Variants in KEL observed in about 807,000 individuals in gnomAD.
KEL encodes the protein Kell metallo-endopeptidase (Kell blood group).
A neutral mutation model predicts 99.5 loss-of-function variants in KEL; 96 were observed. The observed-to-expected ratio is 0.97, with a 90% CI of 0.82 to 1.14. The LOEUF (loss-of-function observed/expected upper bound fraction) is 1.14. KEL is among the 50% of genes most tolerant of loss of function. The pLI, the probability that KEL is intolerant of heterozygous loss-of-function variation, is 0.00. For synonymous variants in KEL, 355 were observed against 354.8 expected (o/e 1.00, Z -0.01); for missense variants, 926 against 924.2 (o/e 1.00, Z -0.03).
Position 142,943,772 on chromosome 7 carries a change from T to G in KEL, c.1592+11A>C. Reference sequence around the variant, plus strand: ...TGGGATGGAGTGCCTGTGTCTCCCCTGCTGTCATACCTGTGTTGGGGGTGA... The same window carrying G: ...TGGGATGGAGTGCCTGTGTCTCCCCGGCTGTCATACCTGTGTTGGGGGTGA... On this transcript the variant is annotated intron_variant, in intron 14 of 18. Transcript: ENST00000355265. The G allele has an allele frequency of 6.2e-7, 1 of 1,611,222 alleles. No homozygotes were observed. The highest frequency in any genetic ancestry group is 8.5e-7 in the Non-Finnish European group (1 of 1,177,358).
intron 11 of KEL, chr7:142,944,995 G>A (rs1796485540): frequency 1.0e-5 from 6 of 571,452 alleles, no homozygotes; most frequent in Non-Finnish European, 1.6e-5. Context: ...TCCTTTCCAT[G>A]GGGAAATAGC....
At chr7:142,947,326 C>T (rs1490329249) in intron 10 of KEL, among the ~76,000 whole-genome samples, 4 of 152,084 alleles carry the variant, frequency 2.6e-5, no homozygotes, top group African/African-American at 9.7e-5. Flanking sequence ...GGTAGGAAGG[C>T]TGCCACTAAT....
intron 10 of KEL, among the ~76,000 whole-genome samples, chr7:142,950,692 GGGA>G (rs1387757049): frequency 6.6e-6 from 1 of 152,198 alleles, no homozygotes; most frequent in Non-Finnish European, 1.5e-5. Context: ...TTGCACTACA[GGGA>G]CAGAGTTGAG....
At chr7:142,948,441 T>C (rs891512860) in intron 10 of KEL, among the ~76,000 whole-genome samples, 3 of 152,166 alleles carry the variant, frequency 2.0e-5, no homozygotes, top group African/African-American at 4.8e-5. Context: ...TGAGAAATGA[T>C]AGAAATCAGG....
In KEL at chr7:142,944,546, G is replaced by A. The variant is rs915386859; in HGVS notation, c.1413+97C>T. 6 of 1,212,556 alleles carry A rather than the reference G, an allele frequency of 4.9e-6. No homozygotes were observed. In the African/African-American group the frequency reaches 8.9e-5, roughly 18 times the overall value. 75.1% of individuals were successfully genotyped at this position (1,212,556 alleles called of 1,614,324 possible). On this transcript the variant is annotated intron_variant, in intron 12 of 18. Transcript: ENST00000355265. Reference sequence around the variant, plus strand: ...GCTTCCCTACTTAGCATGTGCCTGGGGGGGCCTTTGGCATTTGCTTCCAAT... The same window carrying A: ...GCTTCCCTACTTAGCATGTGCCTGGAGGGGCCTTTGGCATTTGCTTCCAAT...
intron 5 of KEL, 68 bp downstream of exon 5, chr7:142,958,236 C>T (rs1181307359): frequency 1.2e-6 from 2 of 1,611,206 alleles, no homozygotes; most frequent in Non-Finnish European, 1.7e-6. Context: ...AAAAAAATGG[C>T]AGCCCTAAGC....
At chr7:142,958,557 C>CATCTG in intron 4 of KEL, 129 bp from the exon 5 acceptor site, 1 of 831,058 alleles carries the variant, frequency 1.2e-6, no homozygotes, top group Non-Finnish European at 2.0e-6. Context: ...TTATTTAACC[C>CATCTG]ATGTAACATG....
At chr7:142,961,183 A>G (rs1245884736) in intron 3 of KEL, 79 bp from the exon 4 acceptor site, 2 of 1,548,846 alleles carry the variant, frequency 1.3e-6, no homozygotes, top group Non-Finnish European at 1.8e-6. Context: ...AAAGAACATC[A>G]GGTGAGTAAC....
At chr7:142,956,746 C>T (rs1264415516) in intron 6 of KEL, among the ~76,000 whole-genome samples, 3 of 152,206 alleles carry the variant, frequency 2.0e-5, no homozygotes, top group African/African-American at 7.2e-5. Flanking sequence ...CTCTCCTTAA[C>T]CAGATCTTAA....
At chr7:142,962,156 C>A (rs1444901700) in intron 1 of KEL, 48 bp downstream of exon 1, 2 of 1,613,192 alleles carry the variant, frequency 1.2e-6, no homozygotes, top group Non-Finnish European at 1.7e-6. Context: ...TGCACACAGC[C>A]ACCCTCACCC....
At chr7:142,961,197 G>A (rs1283879107) in intron 3 of KEL, 93 bp from the exon 4 acceptor site, 2 of 1,518,550 alleles carry the variant, frequency 1.3e-6, no homozygotes, top group African/African-American at 2.7e-5. Context: ...GAGTAACTAA[G>A]TGGGGAGCTG....
rs1337763761 is a variant in KEL, at chr7:142,941,291, A to G, written c.2160T>C (p.Gly720=). The G allele has an allele frequency of 1.2e-6, 2 of 1,614,002 alleles. No individual in the cohort carries two copies. Among genetic ancestry groups the G allele is most frequent in the East Asian group, 2.2e-5 (1 of 44,884 alleles). ...AGCGGCTGGAGGGGTTCAAGAGAGC[A>G]CCACGTGCACAGCGGAAATACCTGG... ...AFARYFRCAR[G]ALLNPSSRCQ... Residue 720 remains glycine (G), a synonymous_variant, in exon 19 of 19, where the codon GGT becomes GGC. Transcript: ENST00000355265.
intron 18 of KEL, 89 bp from the exon 19 acceptor site, chr7:142,941,502 G>A: frequency 1.5e-6 from 2 of 1,312,610 alleles, no homozygotes; most frequent in African/African-American, 1.5e-5. Flanking sequence ...AGCAGACAAA[G>A]AGGGGAACCA....
At chr7:142,953,271 C>G (rs1197487691) in intron 9 of KEL, 3 of 815,716 alleles carry the variant, frequency 3.7e-6, no homozygotes, top group East Asian at 1.2e-4. Flanking sequence ...TTTCCTGACA[C>G]CAGCAGAAAT....
chr7:142,942,883 C>T lies in KEL; in HGVS notation c.1933G>A (p.Ala645Thr), dbSNP rs767499938. The change falls in exon 17 of 19, where the codon GCG becomes ACG. Residue 645 changes from alanine (A) to threonine (T), a missense_variant. Ala to Thr is a moderately conservative substitution (Grantham distance 58). Coordinates refer to ENST00000355265, the MANE Select transcript of KEL (RefSeq NM_000420.3). Reference protein sequence around the residue: ...NAADVGGLAIALQAYSKRLLR... With the variant: ...NAADVGGLAITLQAYSKRLLR... ...CCTTGACACTTGCATACCTGCAGCG[C>T]GATGGCTAGCCCCCCAACGTCTGCA... 88 of 1,614,058 alleles carry T rather than the reference C, an allele frequency of 5.5e-5. No homozygotes were observed. The highest frequency in any genetic ancestry group is 8.3e-5 in the Admixed American group (5 of 60,002).
chr7:142,944,736 C>T lies in KEL; in HGVS notation c.1320G>A (p.Met440Ile), dbSNP rs780238443. ...CATCCCGGATCGCAGTGAATAATTTCATGGCCTGTGGGAGTGAGGTCCAGG... is the reference window on the plus strand; with the variant it reads ...CATCCCGGATCGCAGTGAATAATTTTATGGCCTGTGGGAGTGAGGTCCAGG... ...AFGPSTRSAA[M>I]KLFTAIRDAL... The change falls in exon 12 of 19, where the codon ATG becomes ATA. Residue 440 changes from methionine to isoleucine, a missense_variant. By Grantham distance (10) the Met-to-Ile change is conservative. Coordinates refer to ENST00000355265, the MANE Select transcript of KEL (RefSeq NM_000420.3). The T allele has an allele frequency of 1.9e-6, 3 of 1,613,580 alleles. No individual in the cohort carries two copies. The African/African-American group carries it at 4.0e-5, about 22-fold the overall frequency.
intron 15 of KEL, 44 bp from the exon 16 acceptor site, chr7:142,943,387 T>C: frequency 6.2e-7 from 1 of 1,612,712 alleles, no homozygotes. Flanking sequence ...TCTCTCAGCA[T>C]TTGTGACCCC....
rs1586265171 is a variant in KEL at position 142,954,341 on chromosome 7, T to C, written c.767A>G (p.Gln256Arg). ...IFREYLTYLN[Q>R]LGTLLGGDPS... Reference sequence around the variant, plus strand: ...GTCTCCTCCCAGCAAGGTTCCCAGCTGATTCAGGTAAGTCAGGTATTCCCG... The same window carrying C: ...GTCTCCTCCCAGCAAGGTTCCCAGCCGATTCAGGTAAGTCAGGTATTCCCG... Residue 256 changes from glutamine (Q) to arginine (R), a missense_variant, in exon 8 of 19, where the codon CAG becomes CGG. Gln to Arg is a conservative substitution (Grantham distance 43, BLOSUM62 1). Coordinates refer to ENST00000355265, the MANE Select transcript of KEL (RefSeq NM_000420.3). The C allele has an allele frequency of 6.2e-7, 1 of 1,614,190 alleles. No homozygotes were observed.
chr7:142,954,537 A>G lies in KEL; in HGVS notation c.673-10T>C. 6.2e-7 allele frequency: 1 copy of G among 1,613,824 alleles called. No homozygotes were observed. The highest frequency in any genetic ancestry group is 8.5e-7 in the Non-Finnish European group (1 of 1,179,722). On this transcript the variant is annotated splice_polypyrimidine_tract_variant and intron_variant, in intron 6 of 18. Coordinates refer to ENST00000355265, the MANE Select transcript of KEL (RefSeq NM_000420.3). ...ACTCTGGCTGGTCTATCTGGGCACA[A>G]GAGAGACTGGAGAGAAGCAGGGAGC...
Sources: allele counts gnomAD v4.1 joint callset (sites outside exome capture counted in the v4.1 genomes callset), GRCh38; gene constraint gnomAD v4.1.1; transcripts MANE v1.5; gene names NCBI Gene and HGNC (gene_info 2026-07-23, HGNC 2026-07-21).